LTF: variants seen among roughly 807,000 people sequenced by gnomAD.
LTF encodes the protein lactotransferrin, also known as epididymis luminal protein 110.
LTF carries 91 observed loss-of-function variants against 87.2 expected under a neutral mutation model. The observed-to-expected ratio is 1.04, with a 90% CI of 0.88 to 1.24. The LOEUF (loss-of-function observed/expected upper bound fraction) is 1.24. LTF is among the 50% of genes most tolerant of loss of function. The pLI is 0.00. For missense variants in LTF, 901 were observed against 904.3 expected (o/e 1.00, Z 0.05); for synonymous variants, 378 against 356.1 (o/e 1.06, Z -0.69).
At position 46,459,707 on chromosome 3, in the gene LTF, A is replaced by G; in HGVS notation, c.156T>C (p.Pro52=). ...GGGAGTCTCTCTTTATGCAGCTGAC[A>G]GGAGGGCCACGCACTTTTCTCATAT... ...QRNMRKVRGP[P]VSCIKRDSPI... The change falls in exon 2 of 17, where the codon CCT becomes CCC. Residue 52 remains proline, a synonymous_variant. Transcript: ENST00000231751. 1 of 1,574,858 alleles carries G rather than the reference A, an allele frequency of 6.3e-7. No homozygotes were observed. The highest frequency in any genetic ancestry group is 8.6e-7 in the Non-Finnish European group (1 of 1,164,080).
Position 46,443,458 on chromosome 3 carries a change from G to GCTTT in LTF, c.1637_1638insAAAG (p.Tyr547LysfsTer11). 1 of 1,614,226 alleles carries GCTTT rather than the reference G, an allele frequency of 6.2e-7. No homozygotes were observed. Among genetic ancestry groups the GCTTT allele is most frequent in the Non-Finnish European group, 8.5e-7 (1 of 1,180,048 alleles). ...AGACTCACCGGAAAGCCCCAGTGTAGCCGTAGTATCTCTCGTTGCTGTTGG... is the reference window on the plus strand; with the variant it reads ...AGACTCACCGGAAAGCCCCAGTGTAGCTTTCCGTAGTATCTCTCGTTGCTGTTGG... On this transcript the variant is annotated frameshift_variant, in exon 13 of 17. Transcript: ENST00000231751. LOFTEE classifies it high-confidence loss of function.
chr3:46,441,664 T>TA (rs1702516469), intron 13 of LTF, 181 bp from the exon 14 acceptor site: 2 of 562,420 alleles, frequency 3.6e-6, no homozygotes, highest in Non-Finnish European at 3.2e-6. Flanking sequence ...GCCCTCCTTT[T>TA]AAAACCCTAT....
chr3:46,443,991 G>A (rs1702585222), intron 12 of LTF, among the ~76,000 whole-genome samples: 1 of 152,180 alleles, frequency 6.6e-6, no homozygotes. Flanking sequence ...TTGGTATAAA[G>A]ACTAGACTTA....
chr3:46,446,932 G>A (rs963619508), intron 10 of LTF, among the ~76,000 whole-genome samples: 4 of 152,218 alleles, frequency 2.6e-5, no homozygotes, highest in African/African-American at 9.7e-5. Context: ...CCTTGCAGGA[G>A]TAAGGGGGCG....
intron 1 of LTF, among the ~76,000 whole-genome samples, chr3:46,482,860 CAGAGAGAAAG>C (rs1559615138): frequency 1.3e-5 from 2 of 150,580 alleles, no homozygotes; most frequent in East Asian, 2.0e-4. Flanking sequence ...AAGAGACAGA[CAGAGAGAAAG>C]AGAGAGAAAG....
chr3:46,456,605 A>T (rs928452298), intron 2 of LTF, among the ~76,000 whole-genome samples: 1 of 152,130 alleles, frequency 6.6e-6, no homozygotes, highest in Non-Finnish European at 1.5e-5. Context: ...AAGTCCTGAG[A>T]CTGGCGCCTG....
intron 12 of LTF, among the ~76,000 whole-genome samples, chr3:46,444,301 G>C (rs952831763): frequency 2.3e-4 from 35 of 152,192 alleles, no homozygotes; most frequent in Admixed American, 1.4e-3. Flanking sequence ...ACCAGCCCTA[G>C]GCAAACCACC....
At position 46,456,358 on chromosome 3, in the gene LTF, A is replaced by G. The variant is rs1270751370; in HGVS notation, c.248T>C (p.Ile83Thr). Residue 83 changes from isoleucine to threonine, a missense_variant, in exon 3 of 17, where the codon ATA becomes ACA. Physicochemically the swap from Ile to Thr is moderately conservative, Grantham distance 89. Transcript: ENST00000231751. ...GTAGGGGGCCAGGCCTGCCTCGTAT[A>G]TGAAACCACCATCAAGGGTCACAGC... ...ADAVTLDGGF[I>T]YEAGLAPYKL... is the part of the protein sequence containing the mutation. 2 of 1,614,214 alleles carry G rather than the reference A, an allele frequency of 1.2e-6. No homozygotes were observed. Among genetic ancestry groups the G allele is most frequent in the South Asian group, 1.1e-5 (1 of 91,086 alleles).
At chr3:46,472,437 T>G (rs1703303501) in intron 1 of LTF, among the ~76,000 whole-genome samples, 1 of 150,400 alleles carries the variant, frequency 6.6e-6, no homozygotes, top group Non-Finnish European at 1.5e-5. Context: ...CTAAGCAAAG[T>G]CTTCCTCCAG....
At chr3:46,479,829 G>A (rs1409026165) in intron 1 of LTF, among the ~76,000 whole-genome samples, 1 of 152,206 alleles carries the variant, frequency 6.6e-6, no homozygotes, top group Non-Finnish European at 1.5e-5. Flanking sequence ...CGCCCGGCCA[G>A]AAGTGGCTTT....
intron 2 of LTF, among the ~76,000 whole-genome samples, chr3:46,458,248 C>A (rs377463135): frequency 6.6e-6 from 1 of 152,136 alleles, no homozygotes. Context: ...TTTAGATCAT[C>A]ATTTAAGAGA....
intron 13 of LTF, chr3:46,442,045 A>T (rs12629300): frequency 0.17 from 26,010 of 150,080 alleles, 2,688 homozygotes; most frequent in East Asian, 0.51. Context: ...TGAGATAGTG[A>T]TGTGTTTTTT....
rs61740472 is a variant in LTF, at chr3:46,448,989, C to T, written c.1086G>A (p.Ala362=). Residue 362 remains alanine (A), a synonymous_variant, in exon 9 of 17, where the codon GCG becomes GCA. Transcript: ENST00000231751. ...KSEEEVAARR[A]RVVWCAVGEQ... is the part of the protein sequence containing the mutation. ...CGCCCACCGCACACCACACGACCCG[C>T]GCACGCCGGGCAGCCACTTCCTCCT... is the stretch of plus-strand genomic sequence containing the variant. 2.6e-5 allele frequency: 42 copies of T among 1,610,576 alleles called. No homozygotes were observed. The highest frequency in any genetic ancestry group is 2.5e-4 in the African/African-American group (19 of 74,720).
upstream of LTF, chr3:46,469,512 G>C (rs1432750253): frequency 6.6e-6 from 1 of 152,342 alleles, no homozygotes; most frequent in African/African-American, 2.4e-5. Flanking sequence ...GTGGACAGTA[G>C]AGCTAGAAAT....
intron 12 of LTF, among the ~76,000 whole-genome samples, chr3:46,444,194 A>G (rs1033887348): frequency 3.3e-5 from 5 of 152,118 alleles, no homozygotes; most frequent in Non-Finnish European, 7.4e-5. Flanking sequence ...TAGAGATGCA[A>G]TGTGGGCCAT....
At chr3:46,482,620 GAAA>G (rs1703454779) in intron 1 of LTF, among the ~76,000 whole-genome samples, 1 of 45,852 alleles carries the variant, frequency 2.2e-5, no homozygotes, top group African/African-American at 7.7e-5. Flanking sequence ...AAGAAAGAAA[GAAA>G]GAAAGAAAGA....
chr3:46,462,248 G>A (rs1019904439), intron 1 of LTF, among the ~76,000 whole-genome samples: 6 of 152,154 alleles, frequency 3.9e-5, no homozygotes, highest in African/African-American at 1.4e-4. Flanking sequence ...CTTCTCACTG[G>A]AGAGGCAAAA....
At chr3:46,468,248 T>G (rs901540117), upstream of LTF, 2 of 456,648 alleles carry the variant, frequency 4.4e-6, no homozygotes, top group Non-Finnish European at 4.4e-6. Context: ...ACTCATTAAC[T>G]TACCCATTCA....
chr3:46,476,528 T>C (rs7609947), intron 1 of LTF, among the ~76,000 whole-genome samples: 1 of 152,230 alleles, frequency 6.6e-6, no homozygotes, highest in Non-Finnish European at 1.5e-5. Context: ...ATTTGTCTTT[T>C]AAAAACACAC....
Sources: allele counts gnomAD v4.1 joint callset (sites outside exome capture counted in the v4.1 genomes callset), GRCh38; gene constraint gnomAD v4.1.1; transcripts MANE v1.5; gene names NCBI Gene and HGNC (gene_info 2026-07-23, HGNC 2026-07-21).